CHN2: variants seen among roughly 807,000 people sequenced by gnomAD.
CHN2 encodes the protein beta-chimaerin.
A neutral mutation model predicts 56.3 loss-of-function variants in CHN2; 35 were observed. That is an observed-to-expected ratio of 0.62 (90% CI 0.47 to 0.82). The LOEUF is 0.82. CHN2 is among the 40% of genes least tolerant of loss of function. The pLI is 0.00. For synonymous variants in CHN2, 210 were observed against 212.8 expected, an observed-to-expected ratio of 0.99 and a Z score of 0.12; for missense variants, 491 against 580.5, an observed-to-expected ratio of 0.85 and a Z score of 1.58.
At chr7:29,281,693 T>G (rs1329124223) in intron 1 of CHN2, among the ~76,000 whole-genome samples, 1 of 151,454 alleles carries the variant, frequency 6.6e-6, no homozygotes, top group African/African-American at 2.4e-5. Context: ...CTCTCTCCCC[T>G]ACACAGTAGC....
Position 29,146,641 on chromosome 7 carries a change from G to T in CHN2, c.58G>T (p.Glu20Ter). 1 of 1,550,592 alleles carries T rather than the reference G, an allele frequency of 6.4e-7. No homozygotes were observed. The highest frequency in any genetic ancestry group is 2.0e-5 in the Admixed American group (1 of 51,012). ...GTCGTGTCCCAACCTCCTGGTCCCA[G>T]AAACCTGGCCGCATCAAGTCAGCGC... is the stretch of plus-strand genomic sequence containing the variant. The change falls in exon 1 of 7, where the codon GAA becomes TAA. Residue 20 changes from glutamate to a stop codon, truncating the protein, a stop_gained. Transcript: ENST00000439384. LOFTEE classifies it high-confidence loss of function.
chr7:29,336,760 A>C (rs1308241650), intron 1 of CHN2, among the ~76,000 whole-genome samples: 18 of 1,736 alleles, frequency 0.01, no homozygotes, highest in African/African-American at 0.033. Flanking sequence ...ATTCTGTCTC[A>C]AAAAAAAAAA....
At chr7:29,392,146 G>A (rs1460952913) in intron 3 of CHN2, among the ~76,000 whole-genome samples, 1 of 152,174 alleles carries the variant, frequency 6.6e-6, no homozygotes, top group Non-Finnish European at 1.5e-5. Context: ...TCAAAGAATG[G>A]AGATTTTGCC....
intron 12 of CHN2, among the ~76,000 whole-genome samples, chr7:29,511,575 C>T (rs1583461646): frequency 6.6e-6 from 1 of 152,278 alleles, no homozygotes; most frequent in East Asian, 1.9e-4. Context: ...GTCCTCTTTC[C>T]AACCTTCTTC....
intron 6 of CHN2, among the ~76,000 whole-genome samples, chr7:29,435,493 G>C (rs1244026955): frequency 6.6e-6 from 1 of 152,166 alleles, no homozygotes; most frequent in East Asian, 1.9e-4. Flanking sequence ...ACATACCTTG[G>C]CTGTATGGTG....
At chr7:29,306,959 CG>C (rs1794218716) in intron 1 of CHN2, among the ~76,000 whole-genome samples, 1 of 152,204 alleles carries the variant, frequency 6.6e-6, no homozygotes, top group African/African-American at 2.4e-5. Flanking sequence ...TGACTAGTAA[CG>C]TCCAAGCCTC....
chr7:29,289,592 G>A (rs1792424611), intron 1 of CHN2, among the ~76,000 whole-genome samples: 1 of 152,282 alleles, frequency 6.6e-6, no homozygotes, highest in South Asian at 2.1e-4. Flanking sequence ...ATGGCGGAAA[G>A]AAAATACTTC....
intron 6 of CHN2, among the ~76,000 whole-genome samples, chr7:29,410,095 T>A (rs895568211): frequency 6.6e-6 from 1 of 152,184 alleles, no homozygotes; most frequent in African/African-American, 2.4e-5. Context: ...TGAGTTTTAA[T>A]TTTAGGGATC....
At chr7:29,478,895 G>A (rs983400362) in intron 6 of CHN2, among the ~76,000 whole-genome samples, 40 of 152,144 alleles carry the variant, frequency 2.6e-4, no homozygotes, top group African/African-American at 9.7e-4. Flanking sequence ...AAATCATGGT[G>A]TTTACCAGGA....
rs149262504 is a variant in CHN2, at chr7:29,163,473, G to A, written c.274+16513G>A. On this transcript the variant is annotated intron_variant, in intron 2 of 6. Coordinates refer to the CHN2 transcript ENST00000439384. ...TTTCCTGCTCTAAGCAAAGAATATG[G>A]TACCCTGAAAATTGACACATATGTT... is the stretch of plus-strand genomic sequence containing the variant. Among the ~76,000 whole-genome samples, 1,227 of 152,016 alleles carry A rather than the reference G, an allele frequency of 8.1e-3. 19 individuals carry two copies. Among genetic ancestry groups the A allele is most frequent in the African/African-American group, 0.028 (1,149 of 41,470 alleles).
At chr7:29,479,364 G>A (rs1420130) in intron 6 of CHN2, among the ~76,000 whole-genome samples, 42,292 of 152,096 alleles carry the variant, frequency 0.28, 6,060 homozygotes, top group African/African-American at 0.3. Context: ...TGTTCGTGCA[G>A]GAAGGACAGG....
chr7:29,382,532 A>C (rs564473615), intron 3 of CHN2, among the ~76,000 whole-genome samples: 91 of 152,314 alleles, frequency 6.0e-4, no homozygotes, highest in African/African-American at 2.1e-3. Context: ...AGCATAAGCA[A>C]ACCTGCCTTT....
At chr7:29,270,573 A>C (rs1790547022) in intron 1 of CHN2, among the ~76,000 whole-genome samples, 1 of 151,620 alleles carries the variant, frequency 6.6e-6, no homozygotes, top group Non-Finnish European at 1.5e-5. Flanking sequence ...TTGAGGCACG[A>C]GAATCACTTG....
intron 2 of CHN2, among the ~76,000 whole-genome samples, chr7:29,169,880 G>GTGTGTATA (rs148266761): frequency 1.3e-4 from 20 of 150,040 alleles, no homozygotes; most frequent in Middle Eastern, 3.4e-3. Flanking sequence ...GTGTGTGTGT[G>GTGTGTATA]TATATATATA....
chr7:29,416,875 A>G (rs12534213), intron 6 of CHN2, among the ~76,000 whole-genome samples: 24,752 of 152,136 alleles, frequency 0.16, 2,073 homozygotes, highest in Middle Eastern at 0.21. Context: ...CTAAGTAGTG[A>G]TTGCTTTGAT....
chr7:29,480,600 T>C (rs1238502909), intron 7 of CHN2, among the ~76,000 whole-genome samples: 1 of 152,202 alleles, frequency 6.6e-6, no homozygotes, highest in South Asian at 2.1e-4. Flanking sequence ...TTTTGGAGAA[T>C]TGGGCCCATT....
chr7:29,412,138 G>T (rs1162496565), intron 6 of CHN2, among the ~76,000 whole-genome samples: 1 of 152,096 alleles, frequency 6.6e-6, no homozygotes, highest in Non-Finnish European at 1.5e-5. Flanking sequence ...GGGACCTCTA[G>T]TGTTTACTGA....
At chr7:29,259,532 A>AAC (rs1554381208) in intron 1 of CHN2, among the ~76,000 whole-genome samples, 2 of 152,084 alleles carry the variant, frequency 1.3e-5, no homozygotes, top group African/African-American at 4.8e-5. Context: ...TTCACTATAT[A>AAC]ATATATATAC....
At position 29,514,072 on chromosome 7, in the gene CHN2, T is replaced by C. The variant is rs543705331; in HGVS notation, c.*1337T>C. The C allele has an allele frequency of 1.6e-4, 25 of 152,770 alleles. No homozygotes were observed. Among genetic ancestry groups the C allele is most frequent in the African/African-American group, 5.3e-4 (22 of 41,580 alleles). 9.5% of individuals were successfully genotyped at this position (152,770 alleles called of 1,614,324 possible). On this transcript the variant is annotated 3_prime_UTR_variant, in exon 13 of 13. Coordinates refer to ENST00000222792, the MANE Select transcript of CHN2 (RefSeq NM_004067.4). ...AATGACTATTTTACGTGGAGCATCA[T>C]TGTGTGACTGTTGACCTGGACAGTC...
Sources: gnomAD v4.1 joint callset for allele counts (sites outside exome capture counted in the v4.1 genomes callset) on GRCh38, gnomAD v4.1.1 for gene constraint, MANE v1.5 for transcripts, NCBI Gene and HGNC (gene_info 2026-07-23, HGNC 2026-07-21) for gene names.